The following FOXJ3 variants were observed in gnomAD, a reference collection of about 807,000 sequenced individuals.
FOXJ3 encodes forkhead box J3.
In FOXJ3, 22 loss-of-function variants were observed where a neutral mutation model predicts 76.1. That is an observed-to-expected ratio of 0.29 (90% CI 0.21 to 0.41). The LOEUF is 0.41. FOXJ3 is among the 10% of genes least tolerant of loss of function. The pLI is 1.00. For missense variants in FOXJ3, 613 were observed against 762.1 expected (o/e 0.80, Z 2.30); for synonymous variants, 269 against 261.2 (o/e 1.03, Z -0.29).
intron 7 of FOXJ3, 137 bp downstream of exon 7, chr1:42,198,965 G>T: frequency 1.6e-6 from 1 of 642,228 alleles, no homozygotes; most frequent in Non-Finnish European, 2.6e-6. Context: ...CTCTAATTTT[G>T]ATCTACTTAC....
intron 11 of FOXJ3, among the ~76,000 whole-genome samples, chr1:42,183,818 G>C (rs753162716): frequency 1.2e-4 from 19 of 152,074 alleles, no homozygotes; most frequent in Non-Finnish European, 2.5e-4. Context: ...GATGGCCTCA[G>C]AGATAATCTA....
intron 5 of FOXJ3, among the ~76,000 whole-genome samples, chr1:42,215,359 A>G (rs1215948837): frequency 1.3e-5 from 2 of 152,148 alleles, no homozygotes; most frequent in Non-Finnish European, 2.9e-5. Flanking sequence ...GGATGGCCTT[A>G]ATATTGAAAT....
At chr1:42,213,517 T>A (rs943359152) in intron 5 of FOXJ3, among the ~76,000 whole-genome samples, 2 of 149,628 alleles carry the variant, frequency 1.3e-5, no homozygotes, top group Non-Finnish European at 3.0e-5. Context: ...AAGGACCAAT[T>A]CAACAAGAAG....
chr1:42,253,843 C>T (rs1174433456), intron 4 of FOXJ3, among the ~76,000 whole-genome samples: 1 of 151,836 alleles, frequency 6.6e-6, no homozygotes, highest in Non-Finnish European at 1.5e-5. Flanking sequence ...TATGTTAGAC[C>T]TAAAACCATA....
intron 4 of FOXJ3, among the ~76,000 whole-genome samples, chr1:42,235,096 G>A (rs903594611): frequency 1.3e-5 from 2 of 152,194 alleles, no homozygotes; most frequent in African/African-American, 2.4e-5. Context: ...TCAAGCCTAG[G>A]CAATAACGGG....
chr1:42,213,491 GATTAT>G (rs1353402283), intron 5 of FOXJ3, among the ~76,000 whole-genome samples: 1 of 146,646 alleles, frequency 6.8e-6, no homozygotes, highest in Non-Finnish European at 1.5e-5. Flanking sequence ...AAAAAGACAC[GATTAT>G]ATAATGATAA....
intron 2 of FOXJ3, among the ~76,000 whole-genome samples, chr1:42,306,496 G>A (rs572749400): frequency 6.6e-6 from 1 of 151,946 alleles, no homozygotes; most frequent in African/African-American, 2.4e-5. Context: ...TCGAGACGGG[G>A]TTTCACCACA....
chr1:42,309,464 A>G lies in FOXJ3; in HGVS notation c.44+1586T>C, dbSNP rs79097127. Among the ~76,000 whole-genome samples the G allele has an allele frequency of 7.1e-3, 1,086 of 152,348 alleles. 21 individuals carry two copies. The highest frequency in any genetic ancestry group is 0.025 in the African/African-American group (1,049 of 41,566). On this transcript the variant is annotated intron_variant, in intron 2 of 12. Coordinates refer to ENST00000361346, the MANE Select transcript of FOXJ3 (RefSeq NM_014947.5). ...TTCCCTTAGGACTGGCCTGTCTAAA[A>G]TAACACATACTCCTATTATTTCCTA...
intron 3 of FOXJ3, among the ~76,000 whole-genome samples, chr1:42,271,091 A>G (rs1019845663): frequency 1.3e-5 from 2 of 152,134 alleles, no homozygotes; most frequent in South Asian, 2.1e-4. Context: ...GACTGCCTCT[A>G]CTGAAGTTCC....
chr1:42,291,079 T>TAGACAGACAGAC (rs56772390), intron 2 of FOXJ3, among the ~76,000 whole-genome samples: 3,355 of 125,328 alleles, frequency 0.027, 62 homozygotes, highest in Admixed American at 0.042. Flanking sequence ...GATAGATAGA[T>TAGACAGACAGAC]AGATAGACAG....
At chr1:42,324,146 C>CACTG (rs1553170613) in intron 1 of FOXJ3, among the ~76,000 whole-genome samples, 1 of 85,766 alleles carries the variant, frequency 1.2e-5, no homozygotes, top group Non-Finnish European at 2.3e-5. Flanking sequence ...AGTATATATA[C>CACTG]TATATATACA....
chr1:42,201,630 T>C (rs2124290965), intron 6 of FOXJ3, among the ~76,000 whole-genome samples: 1 of 152,312 alleles, frequency 6.6e-6, no homozygotes. Context: ...TAGACAACAT[T>C]TTGTTTAAGA....
chr1:42,288,645 C>T (rs1044550739), intron 2 of FOXJ3, among the ~76,000 whole-genome samples: 1 of 152,196 alleles, frequency 6.6e-6, no homozygotes, highest in Non-Finnish European at 1.5e-5. Flanking sequence ...TCCAGAGACC[C>T]TTCAGGCAGT....
chr1:42,334,157 G>A (rs1656322488), intron 1 of FOXJ3: 1 of 976,712 alleles, frequency 1.0e-6, no homozygotes, highest in Middle Eastern at 5.3e-4. Context: ...GGTAGCAAGC[G>A]CTTATTCTCT....
chr1:42,304,485 T>A (rs1187374274), intron 2 of FOXJ3, among the ~76,000 whole-genome samples: 1 of 152,074 alleles, frequency 6.6e-6, no homozygotes, highest in Non-Finnish European at 1.5e-5. Context: ...GGGAACCACA[T>A]TACCTGACTT....
chr1:42,273,876 G>A (rs914762938), intron 3 of FOXJ3, among the ~76,000 whole-genome samples: 29 of 151,990 alleles, frequency 1.9e-4, no homozygotes, highest in Non-Finnish European at 7.4e-5. Flanking sequence ...CTTGGGGAGC[G>A]GGGTAGACTG....
At chr1:42,197,890 A>G (rs551895608) in intron 7 of FOXJ3, among the ~76,000 whole-genome samples, 4 of 152,194 alleles carry the variant, frequency 2.6e-5, no homozygotes, top group African/African-American at 9.6e-5. Flanking sequence ...CTCTTGCCTC[A>G]GCCTCCCAAA....
chr1:42,197,356 A>C (rs1646671717), intron 7 of FOXJ3, among the ~76,000 whole-genome samples: 1 of 152,102 alleles, frequency 6.6e-6, no homozygotes, highest in African/African-American at 2.4e-5. Context: ...AGAGAGAAAA[A>C]AAGGGGGGGA....
chr1:42,328,119 G>A (rs1207989831), intron 1 of FOXJ3, among the ~76,000 whole-genome samples: 2 of 152,130 alleles, frequency 1.3e-5, no homozygotes, highest in Non-Finnish European at 2.9e-5. Flanking sequence ...AGCATAGTCA[G>A]ATCTTGTCTG....
Sources: allele counts gnomAD v4.1 joint callset (sites outside exome capture counted in the v4.1 genomes callset), GRCh38; gene constraint gnomAD v4.1.1; transcripts MANE v1.5; gene names NCBI Gene and HGNC (gene_info 2026-07-23, HGNC 2026-07-21).